The following TBC1D15 variants were observed in gnomAD, a reference collection of about 807,000 sequenced individuals.
TBC1D15 encodes TBC1 domain family member 15, also known as GAP for RAB7.
In TBC1D15, 39 loss-of-function variants were observed where a neutral mutation model predicts 95.4. The observed-to-expected ratio is 0.41, with a 90% CI of 0.32 to 0.53. The LOEUF (loss-of-function observed/expected upper bound fraction) is 0.53. TBC1D15 is among the 20% of genes least tolerant of loss of function. TBC1D15 has a pLI of 0.29. For missense variants in TBC1D15, 733 were observed against 794.3 expected, an observed-to-expected ratio of 0.92 and a Z score of 0.93; for synonymous variants, 258 against 261.3, an observed-to-expected ratio of 0.99 and a Z score of 0.12.
chr12:71,845,912 A>G (rs972299522), intron 1 of TBC1D15, among the ~76,000 whole-genome samples: 4 of 152,154 alleles, frequency 2.6e-5, no homozygotes, highest in African/African-American at 9.6e-5. Flanking sequence ...TAATCATAAT[A>G]TAAGTAAAAA....
chr12:71,877,090 C>T (rs1354209312), intron 3 of TBC1D15, among the ~76,000 whole-genome samples: 1 of 151,964 alleles, frequency 6.6e-6, no homozygotes, highest in Non-Finnish European at 1.5e-5. Context: ...GAATTACAGA[C>T]GTGAGCCACT....
chr12:71,871,483 C>A (rs2043910626), intron 1 of TBC1D15, among the ~76,000 whole-genome samples: 1 of 152,064 alleles, frequency 6.6e-6, no homozygotes, highest in South Asian at 2.1e-4. Context: ...AGGATTGATT[C>A]CTCATTGTGT....
At chr12:71,841,404 A>T (rs1014305065) in intron 1 of TBC1D15, among the ~76,000 whole-genome samples, 1 of 152,200 alleles carries the variant, frequency 6.6e-6, no homozygotes, top group African/African-American at 2.4e-5. Flanking sequence ...GCAAATTCAC[A>T]TCTATTGCCA....
At chr12:71,906,949 C>A in intron 10 of TBC1D15, 73 bp from the exon 11 acceptor site, 1 of 903,312 alleles carries the variant, frequency 1.1e-6, no homozygotes, top group East Asian at 2.6e-5. Flanking sequence ...TGACTCTGTA[C>A]TTGTAAGATG....
At position 71,923,667 on chromosome 12, in the gene TBC1D15, G is replaced by A. The variant is rs1315697602; in HGVS notation, c.*463G>A. ...AAGGATTTTTTTCTCTATTGTTTAC[G>A]ACAGTACTCAGCTTAAATATTTATG... On this transcript the variant is annotated 3_prime_UTR_variant, in exon 17 of 17. Coordinates refer to ENST00000485960, the MANE Select transcript of TBC1D15 (RefSeq NM_001146213.3). 3 of 156,220 alleles carry A rather than the reference G, an allele frequency of 1.9e-5. No homozygotes were observed. The highest frequency in any genetic ancestry group is 6.3e-5 in the Admixed American group (1 of 15,876). 9.7% of individuals were successfully genotyped at this position (156,220 alleles called of 1,614,324 possible).
intron 3 of TBC1D15, among the ~76,000 whole-genome samples, chr12:71,876,460 C>G (rs139144028): frequency 4.5e-4 from 68 of 152,260 alleles, no homozygotes; most frequent in African/African-American, 1.5e-3. Flanking sequence ...ATTTCATTTT[C>G]TTAGATACTC....
chr12:71,881,257 T>C (rs1021447037), intron 4 of TBC1D15, among the ~76,000 whole-genome samples: 1 of 152,184 alleles, frequency 6.6e-6, no homozygotes, highest in African/African-American at 2.4e-5. Flanking sequence ...TACTTAGCAT[T>C]GTGTTACAGT....
intron 5 of TBC1D15, among the ~76,000 whole-genome samples, chr12:71,885,877 C>T (rs1488239830): frequency 6.6e-6 from 1 of 152,124 alleles, no homozygotes; most frequent in African/African-American, 2.4e-5. Flanking sequence ...AGAGTACAAA[C>T]ATGATGTAAT....
chr12:71,895,963 G>A lies in TBC1D15; in HGVS notation c.872G>A (p.Arg291His), dbSNP rs756973108. Residue 291 changes from arginine to histidine, a missense_variant, in exon 8 of 17, where the codon CGC becomes CAC. By Grantham distance (29) the Arg-to-His change is conservative. Coordinates refer to ENST00000485960, the MANE Select transcript of TBC1D15 (RefSeq NM_001146213.3). ...EVITRIDLGE[R>H]PVVQRREPVS... ...TATTTTTAGATTGATTTGGGGGAAC[G>A]CCCTGTTGTTCAAAGGAGAGAACCG... 28 of 1,611,726 alleles carry A rather than the reference G, an allele frequency of 1.7e-5. No individual in the cohort carries two copies. In the Middle Eastern group the frequency reaches 8.2e-4, roughly 47 times the overall value.
intron 4 of TBC1D15, 131 bp from the exon 5 acceptor site, chr12:71,884,680 G>A (rs1300971769): frequency 4.4e-6 from 3 of 681,794 alleles, no homozygotes; most frequent in South Asian, 2.0e-5. Context: ...ACAGGTGGAA[G>A]CCATAATAAT....
chr12:71,884,771 G>T, intron 4 of TBC1D15, 40 bp from the exon 5 acceptor site: 1 of 1,602,586 alleles, frequency 6.2e-7, no homozygotes. Context: ...CTTTTAAAAA[G>T]GTGAACAAAA....
At chr12:71,896,838 A>T in intron 9 of TBC1D15, 58 bp downstream of exon 9, 1 of 1,354,456 alleles carries the variant, frequency 7.4e-7, no homozygotes, top group Non-Finnish European at 1.0e-6. Flanking sequence ...ACTCATACAA[A>T]TTAGTATAGG....
intron 1 of TBC1D15, among the ~76,000 whole-genome samples, chr12:71,842,750 G>A (rs1303367183): frequency 6.6e-6 from 1 of 150,952 alleles, no homozygotes; most frequent in East Asian, 2.0e-4. Flanking sequence ...AAGATTGCCT[G>A]AGCCTGGGAC....
In TBC1D15 at chr12:71,896,144, T is replaced by C. The variant is rs982769970; in HGVS notation, c.984+69T>C. The stretch of plus-strand genomic sequence containing the variant: ...TATTTAGGGGTTTTGTTGTTATCGT[T>C]ACTGTTTTGGTGTGTTTTTTTTTGT... On this transcript the variant is annotated intron_variant, in intron 8 of 16. Coordinates refer to ENST00000485960, the MANE Select transcript of TBC1D15 (RefSeq NM_001146213.3). 4.9e-5 allele frequency: 69 copies of C among 1,416,602 alleles called. 1 individual carries two copies. The highest frequency in any genetic ancestry group is 6.5e-5 in the Non-Finnish European group (69 of 1,066,198). 87.8% of individuals were successfully genotyped at this position (1,416,602 alleles called of 1,614,324 possible).
chr12:71,880,633 T>G (rs1222357438), intron 4 of TBC1D15, 26 bp downstream of exon 4: 1 of 1,586,074 alleles, frequency 6.3e-7, no homozygotes, highest in Non-Finnish European at 8.6e-7. Context: ...TTTGAAATCT[T>G]AAACTGATTT....
intron 1 of TBC1D15, among the ~76,000 whole-genome samples, chr12:71,859,112 G>A (rs950470180): frequency 6.6e-6 from 1 of 151,636 alleles, no homozygotes; most frequent in Non-Finnish European, 1.5e-5. Context: ...TCATATACCT[G>A]TTAGCCATTT....
intron 11 of TBC1D15, among the ~76,000 whole-genome samples, chr12:71,911,553 T>C (rs914113799): frequency 4.5e-5 from 6 of 132,666 alleles, no homozygotes; most frequent in East Asian, 2.3e-4. Flanking sequence ...TGTTCTCACT[T>C]ATAGGTGGGA....
At chr12:71,920,112 A>C (rs1372612210) in intron 14 of TBC1D15, among the ~76,000 whole-genome samples, 1 of 151,990 alleles carries the variant, frequency 6.6e-6, no homozygotes, top group Non-Finnish European at 1.5e-5. Flanking sequence ...AAGCAGGGGG[A>C]AATTAAGACC....
chr12:71,854,430 C>G lies in TBC1D15; in HGVS notation c.30+14619C>G, dbSNP rs189219853. 3 of 396,882 alleles carry G rather than the reference C, an allele frequency of 7.6e-6. No homozygotes were observed. In the Admixed American group the frequency reaches 9.2e-5, roughly 12 times the overall value. The allele number at this position is 396,882 out of a possible 1,614,324, so 24.6% of individuals were successfully genotyped here. ...ATCTTTTTTCCCCTTCAATCGTAGG[C>G]TGAATGTTTGTGTTCCAAATTTGTT... On this transcript the variant is annotated intron_variant, in intron 1 of 16. Coordinates refer to ENST00000485960, the MANE Select transcript of TBC1D15 (RefSeq NM_001146213.3).
Sources: allele counts gnomAD v4.1 joint callset (sites outside exome capture counted in the v4.1 genomes callset), GRCh38; gene constraint gnomAD v4.1.1; transcripts MANE v1.5; gene names NCBI Gene and HGNC (gene_info 2026-07-23, HGNC 2026-07-21).